NIPBL: variants seen among roughly 807,000 people sequenced by gnomAD.
The protein encoded by NIPBL is nipped-B-like protein.
A neutral mutation model predicts 321.8 loss-of-function variants in NIPBL; 19 were observed. That is an observed-to-expected ratio of 0.06 (90% confidence interval 0.04 to 0.09). The LOEUF (loss-of-function observed/expected upper bound fraction) is 0.09. Ranked by LOEUF, NIPBL falls within the 10% of genes least tolerant of loss-of-function variation. The probability of loss-of-function intolerance (pLI) is 1.00; values close to 1 mark genes in which losing one functional copy is unlikely to be tolerated. For missense variants in NIPBL, 2,210 were observed against 3,327.0 expected (o/e 0.66, Z 8.26); for synonymous variants, 1,106 against 1,114.1 (o/e 0.99, Z 0.14).
chr5:37,034,698 T>A (rs551931935), intron 32 of NIPBL, among the ~76,000 whole-genome samples: 151 of 152,300 alleles, frequency 9.9e-4, no homozygotes, highest in Admixed American at 2.1e-3. Flanking sequence ...ATACTTTTTT[T>A]AAAAACAAGG....
At chr5:37,017,887 T>C (rs893903246) in intron 24 of NIPBL, among the ~76,000 whole-genome samples, 9 of 152,176 alleles carry the variant, frequency 5.9e-5, no homozygotes, top group Non-Finnish European at 1.2e-4. Flanking sequence ...ATTGACAATT[T>C]ACAAAATTTC....
At chr5:36,907,356 C>T (rs1342231377) in intron 1 of NIPBL, among the ~76,000 whole-genome samples, 1 of 152,026 alleles carries the variant, frequency 6.6e-6, no homozygotes, top group Non-Finnish European at 1.5e-5. Context: ...CTTCACAACA[C>T]CCCTGCAAGA....
intron 1 of NIPBL, among the ~76,000 whole-genome samples, chr5:36,897,887 G>C (rs1561361063): frequency 7.5e-6 from 1 of 133,192 alleles, no homozygotes; most frequent in Non-Finnish European, 1.6e-5. Flanking sequence ...AGTCATACAG[G>C]GAAAAAAAAA....
At chr5:37,042,462 G>T (rs946232363) in intron 34 of NIPBL, among the ~76,000 whole-genome samples, 6 of 151,246 alleles carry the variant, frequency 4.0e-5, no homozygotes, top group Admixed American at 4.0e-4. Context: ...ATCTATGCCG[G>T]TAATCCATTA....
chr5:36,968,028 A>G (rs1454491994), intron 6 of NIPBL, among the ~76,000 whole-genome samples: 4 of 146,996 alleles, frequency 2.7e-5, no homozygotes, highest in Non-Finnish European at 4.5e-5. Context: ...CCTGGGAGGC[A>G]GAGGTTGCAG....
chr5:37,037,717 G>C (rs1198433887), intron 33 of NIPBL, among the ~76,000 whole-genome samples: 5 of 149,594 alleles, frequency 3.3e-5, no homozygotes, highest in Non-Finnish European at 5.9e-5. Flanking sequence ...GGAATTTAGG[G>C]GTGATACTGA....
intron 1 of NIPBL, among the ~76,000 whole-genome samples, chr5:36,952,053 T>TGTGTGCGCGCGCGCGC (rs778597604): frequency 8.9e-6 from 1 of 112,114 alleles, no homozygotes; most frequent in Non-Finnish European, 1.9e-5. Flanking sequence ...TGTGTGTGTG[T>TGTGTGCGCGCGCGCGC]GCGCGCGCGC....
Position 36,887,462 on chromosome 5 carries a change from G to A in NIPBL, c.-80+10284G>A, listed in dbSNP as rs1580147090. Among the ~76,000 whole-genome samples, 7 of 152,256 alleles carry A rather than the reference G, an allele frequency of 4.6e-5. 1 individual carries two copies. In the South Asian group the frequency reaches 8.3e-4, roughly 18 times the overall value. On this transcript the variant is annotated intron_variant, in intron 1 of 46. Transcript: ENST00000282516. Reference sequence around the variant, plus strand: ...CAGTGCCCTTTACTGAAAATTGGGGGCAGATAATGAGAAAAGAGTAATTTT... The same window carrying A: ...CAGTGCCCTTTACTGAAAATTGGGGACAGATAATGAGAAAAGAGTAATTTT...
chr5:36,970,236 A>G (rs1742700205), intron 6 of NIPBL, among the ~76,000 whole-genome samples: 1 of 151,974 alleles, frequency 6.6e-6, no homozygotes, highest in South Asian at 2.1e-4. Context: ...CAAAAAAAGA[A>G]AAAGCCAGAT....
At chr5:36,972,597 T>C (rs1444760722) in intron 8 of NIPBL, among the ~76,000 whole-genome samples, 7 of 152,194 alleles carry the variant, frequency 4.6e-5, no homozygotes, top group Admixed American at 4.6e-4. Flanking sequence ...TTGGCTCCAG[T>C]CTTGTCTCCC....
At chr5:37,060,780 T>C (rs554519399) in intron 44 of NIPBL, 64 bp from the exon 45 acceptor site, 1 of 1,401,422 alleles carries the variant, frequency 7.1e-7, no homozygotes, top group African/African-American at 1.4e-5. Flanking sequence ...TACCTATAAT[T>C]GGATTTCTCC....
chr5:37,010,309 TTC>T, intron 21 of NIPBL, 84 bp downstream of exon 21: 1 of 1,163,260 alleles, frequency 8.6e-7, no homozygotes, highest in South Asian at 1.3e-5. Context: ...AAAACTGAAG[TTC>T]TTTTTTTTTC....
chr5:37,000,682 GA>G lies in NIPBL; in HGVS notation c.3502+113del. On this transcript the variant is annotated intron_variant, in intron 12 of 46. Coordinates refer to ENST00000282516, the MANE Select transcript of NIPBL (RefSeq NM_133433.4). Reference sequence around the variant, plus strand: ...GAGTTAATAACTAATTTTCAATTAAGACAAAAATACTTAGTTTCTATGTGCA... The same window carrying G: ...GAGTTAATAACTAATTTTCAATTAAGCAAAAATACTTAGTTTCTATGTGCA... 5.3e-6 allele frequency: 7 copies of G among 1,324,696 alleles called. No homozygotes were observed. The South Asian group carries it at 7.6e-5, about 14-fold the overall frequency. 82.1% of individuals were successfully genotyped at this position (1,324,696 alleles called of 1,614,324 possible).
chr5:37,001,781 G>A (rs188117989), intron 14 of NIPBL, among the ~76,000 whole-genome samples: 55 of 152,192 alleles, frequency 3.6e-4, no homozygotes, highest in African/African-American at 1.1e-3. Context: ...ATGACATAAA[G>A]ATTACATCTA....
chr5:37,014,549 A>T (rs1748700713), intron 21 of NIPBL, 134 bp from the exon 22 acceptor site: 1 of 584,998 alleles, frequency 1.7e-6, no homozygotes. Context: ...GGCTTCTCTT[A>T]TTATATATAA....
At chr5:37,047,942 T>C (rs938725508) in intron 38 of NIPBL, among the ~76,000 whole-genome samples, 1 of 152,216 alleles carries the variant, frequency 6.6e-6, no homozygotes, top group African/African-American at 2.4e-5. Flanking sequence ...ATGGAAGATA[T>C]TTTTAGCTCT....
At chr5:37,009,785 A>G (rs1226744144) in intron 20 of NIPBL, among the ~76,000 whole-genome samples, 2 of 152,222 alleles carry the variant, frequency 1.3e-5, no homozygotes, top group African/African-American at 2.4e-5. Context: ...ATCATTTTCA[A>G]AATCATTTTG....
chr5:36,955,246 G>A (rs1740810247), intron 2 of NIPBL, among the ~76,000 whole-genome samples: 2 of 152,186 alleles, frequency 1.3e-5, no homozygotes, highest in Admixed American at 6.5e-5. Context: ...ATGAATATAA[G>A]GGAGCTGAAT....
rs768620796 is a variant in NIPBL, at chr5:36,985,300, G to T, written c.2120G>T (p.Gly707Val). 2.4e-5 allele frequency: 38 copies of T among 1,613,556 alleles called. No individual in the cohort carries two copies. The highest frequency in any genetic ancestry group is 5.0e-5 in the Admixed American group (3 of 59,836). ...KSRPETPKQK[G>V]ESRPETPKQK... ...AGGCCTGAAACCCCAAAGCAAAAGGGTGAAAGCCGGCCTGAGACTCCAAAA... is the reference window on the plus strand; with the variant it reads ...AGGCCTGAAACCCCAAAGCAAAAGGTTGAAAGCCGGCCTGAGACTCCAAAA... The change falls in exon 10 of 47, where the codon GGT becomes GTT. Residue 707 changes from glycine (G) to valine (V), a missense_variant. Physicochemically the swap from Gly to Val is moderately radical, Grantham distance 109 (BLOSUM62 -3). Transcript: ENST00000282516.
Sources: allele counts gnomAD v4.1 joint callset (sites outside exome capture counted in the v4.1 genomes callset), GRCh38; gene constraint gnomAD v4.1.1; transcripts MANE v1.5; gene names NCBI Gene and HGNC (gene_info 2026-07-23, HGNC 2026-07-21).